Variants in FBXO21 observed in about 807,000 individuals in gnomAD.
FBXO21 encodes the protein F-box protein 21.
A neutral mutation model predicts 76.6 loss-of-function variants in FBXO21; 32 were observed. That is an observed-to-expected ratio of 0.42 (90% CI 0.32 to 0.56). The LOEUF is 0.56. FBXO21 is among the 20% of genes least tolerant of loss of function. The pLI, the probability that FBXO21 is intolerant of heterozygous loss-of-function variation, is 0.16. For missense variants in FBXO21, 586 were observed against 797.3 expected, an observed-to-expected ratio of 0.73 and a Z score of 3.19; for synonymous variants, 328 against 311.5, an observed-to-expected ratio of 1.05 and a Z score of -0.56.
chr12:117,177,477 C>T (rs1052432736), intron 4 of FBXO21, 43 bp downstream of exon 4: 1 of 1,563,634 alleles, frequency 6.4e-7, no homozygotes, highest in African/African-American at 1.4e-5. Context: ...TAATCAGTTA[C>T]CTACAGAAAT....
At chr12:117,162,868 GT>G (rs1367149474) in intron 9 of FBXO21, among the ~76,000 whole-genome samples, 4 of 152,172 alleles carry the variant, frequency 2.6e-5, no homozygotes, top group African/African-American at 9.7e-5. Context: ...CGTGCAGGCT[GT>G]TCCCACTGAC....
In FBXO21 at chr12:117,155,854, C is replaced by T. The variant is rs754034961; in HGVS notation, c.1612G>A (p.Gly538Ser). 3 of 1,614,174 alleles carry T rather than the reference C, an allele frequency of 1.9e-6. No individual in the cohort carries two copies. Among genetic ancestry groups the T allele is most frequent in the Admixed American group, 1.7e-5 (1 of 60,020 alleles). Residue 538 changes from glycine (G) to serine (S), a missense_variant, in exon 11 of 12, where the codon GGC (glycine) becomes AGC (serine). This residue lies in a region of FBXO21 where 164 missense variants were observed against 236.7 expected (regional missense o/e 0.69). Coordinates refer to ENST00000622495, the MANE Select transcript of FBXO21 (RefSeq NM_015002.3). The stretch of plus-strand genomic sequence containing the variant: ...ACGTTATAGAAAGGCTGGTGGTGGC[C>T]GTGCGGCAGGCTGTGGACGTTCATG... ...RNMNVHSLPH[G>S]HHQPFYNVLV...
chr12:117,165,759 G>A (rs1956047139), intron 8 of FBXO21, 142 bp from the exon 9 acceptor site: 1 of 731,272 alleles, frequency 1.4e-6, no homozygotes, highest in Non-Finnish European at 2.1e-6. Flanking sequence ...GCTCAACGAA[G>A]AGATACAATG....
chr12:117,155,542 A>AGAAAAG, intron 11 of FBXO21: 1 of 572,628 alleles, frequency 1.7e-6, no homozygotes, highest in Non-Finnish European at 3.1e-6. Context: ...GTGGCCAATC[A>AGAAAAG]GATGTCCGGG....
chr12:117,155,443 A>C (rs1162250514), intron 11 of FBXO21: 4 of 249,948 alleles, frequency 1.6e-5, no homozygotes, highest in Non-Finnish European at 3.2e-5. Flanking sequence ...GGGGGCCCCC[A>C]GGTGTTCATC....
Position 117,144,018 on chromosome 12 carries a change from A to C in FBXO21, c.*2069T>G, listed in dbSNP as rs916660347. On this transcript the variant is annotated 3_prime_UTR_variant, in exon 12 of 12. Coordinates refer to ENST00000622495, the MANE Select transcript of FBXO21 (RefSeq NM_015002.3). ...TTTTTAGAAAAATATAAAGTGCCCAAATACCAACTTACACAGGTGATACAG... is the reference window on the plus strand; with the variant it reads ...TTTTTAGAAAAATATAAAGTGCCCACATACCAACTTACACAGGTGATACAG... 1.3e-5 allele frequency: 2 copies of C among 152,646 alleles called. No individual in the cohort carries two copies. Among genetic ancestry groups the C allele is most frequent in the Non-Finnish European group, 2.9e-5 (2 of 68,042 alleles). The allele number at this position is 152,646 out of a possible 1,614,324, so 9.5% of individuals were successfully genotyped here.
At chr12:117,159,882 G>A (rs1244390988) in intron 9 of FBXO21, among the ~76,000 whole-genome samples, 1 of 152,200 alleles carries the variant, frequency 6.6e-6, no homozygotes, top group Non-Finnish European at 1.5e-5. Flanking sequence ...CCCCACCTTC[G>A]CTGGATGTGT....
chr12:117,165,623 A>G lies in FBXO21; in HGVS notation c.1194-6T>C. ...ATGACTGGTCGATGCCTTCCCTAGC[A>G]GAGGAAAAACAATGTTTGTCTCATC... On this transcript the variant is annotated splice_region_variant and splice_polypyrimidine_tract_variant and intron_variant, in intron 8 of 11. Coordinates refer to ENST00000622495, the MANE Select transcript of FBXO21 (RefSeq NM_015002.3). 1 of 1,597,898 alleles carries G rather than the reference A, an allele frequency of 6.3e-7. No homozygotes were observed. Among genetic ancestry groups the G allele is most frequent in the Admixed American group, 1.7e-5 (1 of 58,358 alleles).
At chr12:117,160,397 G>A (rs994046292) in intron 9 of FBXO21, among the ~76,000 whole-genome samples, 2 of 152,042 alleles carry the variant, frequency 1.3e-5, no homozygotes, top group African/African-American at 4.8e-5. Flanking sequence ...CTACTTCTGG[G>A]GCTTCAGTTA....
chr12:117,180,063 G>A (rs1017188643), intron 3 of FBXO21, among the ~76,000 whole-genome samples: 1 of 152,196 alleles, frequency 6.6e-6, no homozygotes, highest in Non-Finnish European at 1.5e-5. Context: ...TTTGGCCACT[G>A]GAAGCCTCTT....
intron 9 of FBXO21, among the ~76,000 whole-genome samples, chr12:117,161,676 G>A (rs531282655): frequency 1.3e-5 from 2 of 152,230 alleles, no homozygotes; most frequent in South Asian, 4.1e-4. Flanking sequence ...GGATATGCTG[G>A]TCTGAGCCCA....
intron 11 of FBXO21, among the ~76,000 whole-genome samples, chr12:117,151,463 G>A (rs1417637363): frequency 6.6e-6 from 1 of 152,198 alleles, no homozygotes; most frequent in Non-Finnish European, 1.5e-5. Flanking sequence ...TGCAGAGCTA[G>A]TAATTAGAAA....
chr12:117,178,269 C>CA (rs1474423010), intron 3 of FBXO21, among the ~76,000 whole-genome samples: 1 of 152,104 alleles, frequency 6.6e-6, no homozygotes, highest in Non-Finnish European at 1.5e-5. Context: ...TAAGACCTGT[C>CA]AGCCAATGCT....
At chr12:117,146,910 G>A (rs1278021437) in intron 11 of FBXO21, among the ~76,000 whole-genome samples, 2 of 152,120 alleles carry the variant, frequency 1.3e-5, no homozygotes, top group Non-Finnish European at 2.9e-5. Flanking sequence ...GGAAAACCAT[G>A]CTACCTCTTC....
intron 9 of FBXO21, among the ~76,000 whole-genome samples, chr12:117,162,409 T>C (rs1285135741): frequency 6.6e-6 from 1 of 152,212 alleles, no homozygotes; most frequent in Non-Finnish European, 1.5e-5. Context: ...GCAGGAGACC[T>C]GGCTAAGTTA....
intron 3 of FBXO21, among the ~76,000 whole-genome samples, chr12:117,180,097 G>A (rs1171594665): frequency 1.3e-5 from 2 of 152,118 alleles, no homozygotes; most frequent in African/African-American, 2.4e-5. Flanking sequence ...CAATACTTCC[G>A]ACATAAAGTA....
At chr12:117,160,953 T>C (rs948275432) in intron 9 of FBXO21, among the ~76,000 whole-genome samples, 1 of 152,164 alleles carries the variant, frequency 6.6e-6, no homozygotes, top group Non-Finnish European at 1.5e-5. Flanking sequence ...TAATTATTCA[T>C]TTAAACAATT....
intron 10 of FBXO21, 50 bp from the exon 11 acceptor site, chr12:117,155,998 AC>A: frequency 6.3e-7 from 1 of 1,580,924 alleles, no homozygotes; most frequent in Non-Finnish European, 8.7e-7. Context: ...GGCCGCAACA[AC>A]CTCCAGACAA....
intron 6 of FBXO21, among the ~76,000 whole-genome samples, chr12:117,173,818 A>G (rs970503444): frequency 1.3e-5 from 2 of 152,206 alleles, no homozygotes; most frequent in African/African-American, 2.4e-5. Context: ...CTGACCTTCA[A>G]GAATGTACGG....
Sources: allele counts gnomAD v4.1 joint callset (sites outside exome capture counted in the v4.1 genomes callset), GRCh38; gene constraint gnomAD v4.1.1; regional missense constraint gnomAD v4.1.1; transcripts MANE v1.5; gene names NCBI Gene and HGNC (gene_info 2026-07-23, HGNC 2026-07-21).